The following TMOD1 variants were observed in gnomAD, a reference collection of about 807,000 sequenced individuals.
TMOD1 encodes the protein tropomodulin-1.
TMOD1 carries 17 observed loss-of-function variants against 40.6 expected under a neutral mutation model. The observed-to-expected ratio is 0.42, with a 90% confidence interval of 0.29 to 0.63. The LOEUF is 0.63. TMOD1 is among the 20% of genes least tolerant of loss of function. TMOD1 has a pLI of 0.22. For missense variants in TMOD1, 391 were observed against 447.6 expected (o/e 0.87, Z 1.14); for synonymous variants, 181 against 175.0 (o/e 1.03, Z -0.27).
chr9:97,559,986 T>C (rs1442629838), intron 4 of TMOD1, among the ~76,000 whole-genome samples: 1 of 150,258 alleles, frequency 6.7e-6, no homozygotes, highest in Admixed American at 6.6e-5. Flanking sequence ...GAAAGAGAGG[T>C]TGAAGCCTAG....
At chr9:97,540,064 G>A (rs951384426) in intron 2 of TMOD1, among the ~76,000 whole-genome samples, 7 of 151,742 alleles carry the variant, frequency 4.6e-5, no homozygotes, top group East Asian at 1.9e-4. Flanking sequence ...TCACAGAGTC[G>A]TATAACCATC....
At chr9:97,553,213 G>T (rs1472434912) in intron 3 of TMOD1, 68 bp from the exon 4 acceptor site, 4 of 1,606,360 alleles carry the variant, frequency 2.5e-6, no homozygotes, top group Non-Finnish European at 3.4e-6. Context: ...GTCCACGCAG[G>T]GCTGTGGGTC....
chr9:97,547,605 G>T (rs952222599), intron 3 of TMOD1, among the ~76,000 whole-genome samples: 4 of 152,206 alleles, frequency 2.6e-5, no homozygotes, highest in African/African-American at 9.7e-5. Flanking sequence ...GGAAATGAAT[G>T]CTACTTAAGT....
intron 1 of TMOD1, among the ~76,000 whole-genome samples, chr9:97,503,026 C>T (rs937462991): frequency 3.9e-5 from 6 of 152,188 alleles, no homozygotes; most frequent in Admixed American, 3.3e-4. Flanking sequence ...GACGACCTGG[C>T]CCAAGCTCCT....
In TMOD1 at chr9:97,546,252, A is replaced by G; in HGVS notation, c.188A>G (p.Lys63Arg). Residue 63 changes from lysine to arginine, a missense_variant, in exon 3 of 10, where the codon AAA becomes AGA. By Grantham distance (26) the Lys-to-Arg change is conservative. Transcript: ENST00000259365. ...QTTKAPTGPF[K>R]REELLDHLEK... ...ACCAAGGCGCCCACGGGCCCCTTTA[A>G]AAGAGAGGAGCTCTTGGATCACTTG... The G allele has an allele frequency of 1.2e-6, 2 of 1,614,070 alleles. No homozygotes were observed. Among genetic ancestry groups the G allele is most frequent in the Non-Finnish European group, 1.7e-6 (2 of 1,180,010 alleles).
intron 2 of TMOD1, among the ~76,000 whole-genome samples, chr9:97,541,316 T>C (rs1830271996): frequency 6.6e-6 from 1 of 152,028 alleles, no homozygotes; most frequent in African/African-American, 2.4e-5. Flanking sequence ...GCCTCACGTG[T>C]AGCTGGGACT....
chr9:97,586,972 T>G (rs12346614), intron 8 of TMOD1, among the ~76,000 whole-genome samples: 6 of 152,162 alleles, frequency 3.9e-5, no homozygotes, highest in African/African-American at 1.4e-4. Flanking sequence ...TCTTCTGCGT[T>G]GCTCACGCTG....
At chr9:97,516,027 C>A (rs1829800336) in intron 1 of TMOD1, among the ~76,000 whole-genome samples, 1 of 152,114 alleles carries the variant, frequency 6.6e-6, no homozygotes, top group Non-Finnish European at 1.5e-5. Context: ...AGCTAAGCCC[C>A]CTCAAACTTC....
chr9:97,563,818 C>G lies in TMOD1; in HGVS notation c.488-220C>G, dbSNP rs73656823. Reference sequence around the variant, plus strand: ...GAGAGTTTAAGTAATTCACCCAGTTCTTGCAGGACGTCAAAGGCAGAGTCC... The same window carrying G: ...GAGAGTTTAAGTAATTCACCCAGTTGTTGCAGGACGTCAAAGGCAGAGTCC... On this transcript the variant is annotated intron_variant, in intron 5 of 9. Coordinates refer to ENST00000259365, the MANE Select transcript of TMOD1 (RefSeq NM_003275.4). Among the ~76,000 whole-genome samples, 1,073 of 152,302 alleles carry G rather than the reference C, an allele frequency of 7.0e-3. 11 individuals are homozygous for G. Among genetic ancestry groups the G allele is most frequent in the African/African-American group, 0.025 (1,021 of 41,560 alleles).
At chr9:97,584,357 T>G (rs1351413530) in intron 8 of TMOD1, among the ~76,000 whole-genome samples, 2 of 151,662 alleles carry the variant, frequency 1.3e-5, no homozygotes, top group African/African-American at 2.4e-5. Context: ...TGCACTGTGG[T>G]CTGAGAGATA....
chr9:97,565,928 G>T lies in TMOD1; in HGVS notation c.699G>T (p.Gly233=), dbSNP rs1053990076. The change falls in exon 7 of 10, where the codon GGG becomes GGT. Residue 233 remains glycine (G), a synonymous_variant. Transcript: ENST00000259365. Reference sequence around the variant, plus strand: ...ATGTGAAGAAGTTCAGCATCGTGGGGACACGGAGTAATGACCCCGTGGCGT... The same window carrying T: ...ATGTGAAGAAGTTCAGCATCGTGGGTACACGGAGTAATGACCCCGTGGCGT... ...NSYVKKFSIV[G]TRSNDPVAYA... is the part of the protein sequence containing the mutation. 1 of 1,614,212 alleles carries T rather than the reference G, an allele frequency of 6.2e-7. No homozygotes were observed.
chr9:97,515,416 A>T (rs1188282942), intron 1 of TMOD1, among the ~76,000 whole-genome samples: 1 of 152,032 alleles, frequency 6.6e-6, no homozygotes, highest in African/African-American at 2.4e-5. Flanking sequence ...AGTAGCTGGG[A>T]CTACAGGCAC....
intron 2 of TMOD1, among the ~76,000 whole-genome samples, chr9:97,542,759 A>G (rs1280388762): frequency 6.6e-6 from 1 of 151,714 alleles, no homozygotes; most frequent in Non-Finnish European, 1.5e-5. Context: ...AGGCTGAGAC[A>G]GAATTGCTTG....
At chr9:97,584,099 G>A (rs1394079695) in intron 8 of TMOD1, among the ~76,000 whole-genome samples, 9 of 149,480 alleles carry the variant, frequency 6.0e-5, no homozygotes, top group Non-Finnish European at 6.0e-5. Context: ...ATGTTAGGGT[G>A]TCAATTTTGG....
intron 3 of TMOD1, among the ~76,000 whole-genome samples, chr9:97,550,197 T>C (rs1830427653): frequency 6.6e-6 from 1 of 152,250 alleles, no homozygotes. Context: ...GACTCATCCA[T>C]GTTGTAGCAC....
At chr9:97,511,894 G>GA (rs1829706214) in intron 1 of TMOD1, among the ~76,000 whole-genome samples, 1 of 152,138 alleles carries the variant, frequency 6.6e-6, no homozygotes, top group African/African-American at 2.4e-5. Flanking sequence ...TGGCCCTCAG[G>GA]CAGTTTTTAT....
chr9:97,583,347 A>G (rs986506406), intron 8 of TMOD1, among the ~76,000 whole-genome samples: 15 of 147,188 alleles, frequency 1.0e-4, no homozygotes, highest in Admixed American at 7.4e-4. Context: ...CCCAGGGATG[A>G]AGCCCACTTG....
At chr9:97,546,416 C>T (rs1455144602) in intron 3 of TMOD1, 75 bp downstream of exon 3, 5 of 1,510,518 alleles carry the variant, frequency 3.3e-6, no homozygotes, top group Non-Finnish European at 4.5e-6. Context: ...CCAGGCCCTG[C>T]CAGGCCCTGT....
At chr9:97,569,918 T>C (rs558499555) in intron 8 of TMOD1, among the ~76,000 whole-genome samples, 1 of 152,246 alleles carries the variant, frequency 6.6e-6, no homozygotes, top group African/African-American at 2.4e-5. Flanking sequence ...GATGTTAAAA[T>C]GCTTTCTTTT....
Sources: gnomAD v4.1 joint callset for allele counts (sites outside exome capture counted in the v4.1 genomes callset) on GRCh38, gnomAD v4.1.1 for gene constraint, MANE v1.5 for transcripts, NCBI Gene and HGNC (gene_info 2026-07-23, HGNC 2026-07-21) for gene names.